The following LRP1B variants were observed in gnomAD, a reference collection of about 807,000 sequenced individuals.
LRP1B encodes the protein low-density lipoprotein receptor-related protein 1B.
In LRP1B, 217 loss-of-function variants were observed where a neutral mutation model predicts 556.6. The observed-to-expected ratio is 0.39, with a 90% CI of 0.35 to 0.44. LRP1B has a LOEUF of 0.44. Among genes scored for constraint, LRP1B ranks in the 20% least tolerant of loss-of-function variants. The pLI, the probability that LRP1B is intolerant of heterozygous loss-of-function variation, is 1.00. For synonymous variants in LRP1B, 2,047 were observed against 1,865.8 expected, an observed-to-expected ratio of 1.10 and a Z score of -2.50; for missense variants, 5,053 against 5,620.8, an observed-to-expected ratio of 0.90 and a Z score of 3.23.
intron 7 of LRP1B, among the ~76,000 whole-genome samples, chr2:141,082,899 G>A (rs933266194): frequency 6.6e-5 from 10 of 152,124 alleles, no homozygotes; most frequent in African/African-American, 2.4e-4. Flanking sequence ...GGCCAAAGTG[G>A]CCATATTTTA....
chr2:142,116,723 T>C (rs1419837167), intron 1 of LRP1B, among the ~76,000 whole-genome samples: 1 of 152,126 alleles, frequency 6.6e-6, no homozygotes, highest in Non-Finnish European at 1.5e-5. Flanking sequence ...TTTCTGTAAG[T>C]CTAAAATTAT....
intron 7 of LRP1B, among the ~76,000 whole-genome samples, chr2:141,134,979 C>T (rs1005747391): frequency 6.6e-6 from 1 of 151,588 alleles, no homozygotes; most frequent in African/African-American, 2.4e-5. Flanking sequence ...GGAATTTTAA[C>T]ATTAAAATAC....
intron 7 of LRP1B, among the ~76,000 whole-genome samples, chr2:141,125,356 T>C (rs1701175368): frequency 6.6e-6 from 1 of 152,174 alleles, no homozygotes; most frequent in South Asian, 2.1e-4. Context: ...GGATAGAAGA[T>C]AGAATGCAGG....
intron 35 of LRP1B, among the ~76,000 whole-genome samples, chr2:140,732,722 G>A (rs190710547): frequency 7.0e-4 from 107 of 152,054 alleles, no homozygotes; most frequent in South Asian, 5.2e-3. Flanking sequence ...AAAGATCTCC[G>A]TATCAGCTGG....
At chr2:140,490,113 T>C (rs559133620) in intron 57 of LRP1B, among the ~76,000 whole-genome samples, 1 of 152,090 alleles carries the variant, frequency 6.6e-6, no homozygotes, top group East Asian at 1.9e-4. Context: ...GAAAATTTGT[T>C]TCATCAGAAT....
intron 3 of LRP1B, among the ~76,000 whole-genome samples, chr2:141,320,600 C>T (rs1009250906): frequency 6.6e-6 from 1 of 152,046 alleles, no homozygotes; most frequent in South Asian, 2.1e-4. Context: ...CCTACAAAAA[C>T]CTGCAGCCTG....
At chr2:141,172,764 A>G (rs1470453271) in intron 7 of LRP1B, among the ~76,000 whole-genome samples, 1 of 152,024 alleles carries the variant, frequency 6.6e-6, no homozygotes, top group African/African-American at 2.4e-5. Flanking sequence ...ACCAGGAATG[A>G]CTTAAAATAG....
At chr2:141,861,747 T>A (rs1303543217) in intron 1 of LRP1B, among the ~76,000 whole-genome samples, 2 of 152,054 alleles carry the variant, frequency 1.3e-5, no homozygotes, top group South Asian at 2.1e-4. Context: ...CTGGCCAACA[T>A]GGTGAATCTC....
rs1262198983 is a variant in LRP1B at position 141,639,349 on chromosome 2, T to TATATATACACACAC, written c.206-158817_206-158816insGTGTGTGTATATAT. Among the ~76,000 whole-genome samples the TATATATACACACAC allele has an allele frequency of 2.0e-3, 112 of 56,052 alleles. 2 individuals are homozygous for TATATATACACACAC. The highest frequency in any genetic ancestry group is 2.8e-3 in the Non-Finnish European group (89 of 31,280). 36.8% of individuals were successfully genotyped at this position (56,052 alleles called of 152,430 possible). A position where few individuals can be genotyped will look rare whatever the true frequency, so the allele number is the denominator to read the frequency against. On this transcript the variant is annotated intron_variant, in intron 2 of 90. Transcript: ENST00000389484. The stretch of plus-strand genomic sequence containing the variant: ...ATATATATATATATATATATATATA[T>TATATATACACACAC]ACACACACACACACATATATATATA...
chr2:141,144,413 AC>A (rs1701732074), intron 7 of LRP1B, among the ~76,000 whole-genome samples: 2 of 152,348 alleles, frequency 1.3e-5, no homozygotes, highest in South Asian at 4.1e-4. Flanking sequence ...ATAAGAGTAA[AC>A]TTGATCATTT....
intron 32 of LRP1B, among the ~76,000 whole-genome samples, chr2:140,784,420 A>T (rs1456184175): frequency 6.6e-6 from 1 of 150,656 alleles, no homozygotes; most frequent in African/African-American, 2.4e-5. Flanking sequence ...ACACACACAC[A>T]CAAAAGGCTC....
intron 1 of LRP1B, among the ~76,000 whole-genome samples, chr2:141,887,256 G>A (rs1180577051): frequency 2.0e-5 from 3 of 152,020 alleles, no homozygotes; most frequent in East Asian, 1.9e-4. Context: ...TTGGGCTCCC[G>A]AAGTGCTGGG....
intron 3 of LRP1B, among the ~76,000 whole-genome samples, chr2:141,420,845 G>A (rs1319034120): frequency 6.6e-6 from 1 of 152,206 alleles, no homozygotes; most frequent in African/African-American, 2.4e-5. Flanking sequence ...CTCATGGGGT[G>A]AAACAGAAAC....
intron 2 of LRP1B, among the ~76,000 whole-genome samples, chr2:141,707,398 A>T (rs1334318211): frequency 6.6e-6 from 1 of 152,102 alleles, no homozygotes; most frequent in Non-Finnish European, 1.5e-5. Context: ...GAAGGATCTG[A>T]TACCAATTCT....
chr2:142,099,471 A>C (rs974145267), intron 1 of LRP1B, among the ~76,000 whole-genome samples: 1 of 151,966 alleles, frequency 6.6e-6, no homozygotes, highest in Non-Finnish European at 1.5e-5. Flanking sequence ...TAAATTTCAA[A>C]CCAATTTGAT....
chr2:140,282,316 C>A (rs1049614421), intron 84 of LRP1B, among the ~76,000 whole-genome samples: 1 of 151,698 alleles, frequency 6.6e-6, no homozygotes, highest in Non-Finnish European at 1.5e-5. Flanking sequence ...TTGGTATAGT[C>A]AGAGGCATTA....
chr2:141,820,356 G>A (rs1048447363), intron 1 of LRP1B, among the ~76,000 whole-genome samples: 1 of 152,100 alleles, frequency 6.6e-6, no homozygotes, highest in Non-Finnish European at 1.5e-5. Context: ...TACATTTTAG[G>A]GGCTAGGGGT....
chr2:140,780,600 G>C lies in LRP1B; in HGVS notation c.5360-4362C>G, dbSNP rs930626042. ...CACCCTCTCGGACCCAATGGGTCTT[G>C]AGCAGAAACTACACACATTAAAGCT... On this transcript the variant is annotated intron_variant, in intron 32 of 90. Transcript: ENST00000389484. 6.6e-5 allele frequency among the ~76,000 whole-genome samples: 10 copies of C among 152,246 alleles called. No individual in the cohort carries two copies. In the East Asian group the frequency reaches 1.9e-3, roughly 30 times the overall value.
chr2:140,399,523 T>C (rs1214680499), intron 66 of LRP1B, among the ~76,000 whole-genome samples: 2 of 152,160 alleles, frequency 1.3e-5, no homozygotes, highest in Non-Finnish European at 2.9e-5. Flanking sequence ...TTATACAGCT[T>C]AAAATGCTTA....
Sources: allele counts gnomAD v4.1 joint callset (sites outside exome capture counted in the v4.1 genomes callset), GRCh38; gene constraint gnomAD v4.1.1; transcripts MANE v1.5; gene names NCBI Gene and HGNC (gene_info 2026-07-23, HGNC 2026-07-21).